The following NANS variants were observed in gnomAD, a reference collection of about 807,000 sequenced individuals.
NANS encodes N-acetylneuraminate synthase.
NANS carries 29 observed loss-of-function variants against 33.3 expected under a neutral mutation model. The ratio of observed to expected loss-of-function variants is 0.87; its 90% CI spans 0.65 to 1.19. The LOEUF is 1.19. Ranked by LOEUF, NANS falls within the 50% of genes most tolerant of loss-of-function variation. The probability of loss-of-function intolerance (pLI) is 0.00; values close to 1 mark genes in which losing one functional copy is unlikely to be tolerated. For synonymous variants in NANS, 163 were observed against 177.2 expected (o/e 0.92, Z 0.64); for missense variants, 394 against 461.1 (o/e 0.85, Z 1.33).
At chr9:98,072,741 G>A (rs1829399193) in intron 2 of NANS, among the ~76,000 whole-genome samples, 1 of 152,146 alleles carries the variant, frequency 6.6e-6, no homozygotes, top group Admixed American at 6.5e-5. Context: ...CTTTACGAGA[G>A]TTAATTTACC....
intron 2 of NANS, among the ~76,000 whole-genome samples, chr9:98,073,944 C>A (rs1829466788): frequency 6.6e-6 from 1 of 151,982 alleles, no homozygotes; most frequent in Non-Finnish European, 1.5e-5. Context: ...ACACCACACA[C>A]CCGGCTAATT....
intron 2 of NANS, among the ~76,000 whole-genome samples, chr9:98,072,164 C>T (rs372699396): frequency 5.3e-5 from 8 of 152,134 alleles, no homozygotes; most frequent in African/African-American, 1.7e-4. Context: ...CAGTGGCCCC[C>T]GTCTGTAAAA....
At chr9:98,057,094 C>G (rs553093760) in intron 1 of NANS, among the ~76,000 whole-genome samples, 154 bp downstream of exon 1, 1 of 152,368 alleles carries the variant, frequency 6.6e-6, no homozygotes, top group South Asian at 2.1e-4. Context: ...TCGGATCCCT[C>G]TTCCTCACCG....
In NANS at chr9:98,079,336, TTCTA is replaced by T. The variant is rs149092445; in HGVS notation, c.603+1000_603+1003del. Among the ~76,000 whole-genome samples the T allele has an allele frequency of 7.7e-3, 1,179 of 152,348 alleles. 7 individuals are homozygous for T. The highest frequency in any genetic ancestry group is 0.027 in the Admixed American group (413 of 15,306). Reference sequence around the variant, plus strand: ...AACTATTATAGTAACATTAATGGAATTCTATCTATCTATCCACACATACTAGAAT... The same window carrying T: ...AACTATTATAGTAACATTAATGGAATTCTATCTATCCACACATACTAGAAT... On this transcript the variant is annotated intron_variant, in intron 4 of 5. Coordinates refer to ENST00000210444, the MANE Select transcript of NANS (RefSeq NM_018946.4).
intron 2 of NANS, among the ~76,000 whole-genome samples, chr9:98,072,986 T>C (rs767102443): frequency 3.6e-4 from 55 of 152,218 alleles, no homozygotes; most frequent in Non-Finnish European, 7.3e-5. Flanking sequence ...GGTTGAAAGT[T>C]GCACCAAGGC....
Position 98,057,922 on chromosome 9 carries a change from G to GTTTTT in NANS, c.132+998_132+1002dup, listed in dbSNP as rs35104052. Reference sequence around the variant, plus strand: ...TTACTGTTTTTTTTTTTTTTTCCTGGTTTTTTTTTTTTTTTTTTTTGAGAC... The same window carrying GTTTTT: ...TTACTGTTTTTTTTTTTTTTTCCTGGTTTTTTTTTTTTTTTTTTTTTTTTTGAGAC... On this transcript the variant is annotated intron_variant, in intron 1 of 5. Coordinates refer to ENST00000210444, the MANE Select transcript of NANS (RefSeq NM_018946.4). Among the ~76,000 whole-genome samples, 96 of 78,096 alleles carry GTTTTT rather than the reference G, an allele frequency of 1.2e-3. 3 individuals are homozygous for GTTTTT. Among genetic ancestry groups the GTTTTT allele is most frequent in the South Asian group, 2.2e-3 (4 of 1,856 alleles). The allele number at this position is 78,096 out of a possible 152,430, so 51.2% of individuals were successfully genotyped here.
chr9:98,081,018 T>C lies in NANS; in HGVS notation c.806T>C (p.Val269Ala). 1 of 1,614,196 alleles carries C rather than the reference T, an allele frequency of 6.2e-7. No homozygotes were observed. The highest frequency in any genetic ancestry group is 1.1e-5 in the South Asian group (1 of 91,078). ...GAGCTGGTGCGGTCAGTGCGTCTTG[T>C]GGAGCGTGCCCTGGGCTCCCCAACC... ...LAELVRSVRLVERALGSPTKQ... is the reference protein window; with the variant it reads ...LAELVRSVRLAERALGSPTKQ... The change falls in exon 5 of 6, where the codon GTG becomes GCG. Residue 269 changes from valine to alanine, a missense_variant. Physicochemically the swap from Val to Ala is moderately conservative, Grantham distance 64 (BLOSUM62 0). Coordinates refer to ENST00000210444, the MANE Select transcript of NANS (RefSeq NM_018946.4).
chr9:98,082,881 G>A lies in NANS; in HGVS notation c.906G>A (p.Pro302=), dbSNP rs748375515. 13 of 1,614,020 alleles carry A rather than the reference G, an allele frequency of 8.1e-6. No individual in the cohort carries two copies. Among genetic ancestry groups the A allele is most frequent in the Middle Eastern group, 1.6e-4 (1 of 6,082 alleles). The stretch of plus-strand genomic sequence containing the variant: ...CTGTGGTGGCCAAAGTGAAAATTCC[G>A]GAAGGCACCATTCTAACAATGGACA... ...GKSVVAKVKI[P]EGTILTMDML... The change falls in exon 6 of 6, where the codon CCG becomes CCA. Residue 302 remains proline, a synonymous_variant. Coordinates refer to ENST00000210444, the MANE Select transcript of NANS (RefSeq NM_018946.4).
chr9:98,061,024 G>A, intron 2 of NANS, 27 bp downstream of exon 2: 4 of 1,610,014 alleles, frequency 2.5e-6, no homozygotes, highest in Non-Finnish European at 3.4e-6. Context: ...TCTGTCATTT[G>A]TCACTTTAGC....
intron 4 of NANS, among the ~76,000 whole-genome samples, chr9:98,080,097 C>T (rs1829785956): frequency 6.6e-6 from 1 of 152,158 alleles, no homozygotes; most frequent in African/African-American, 2.4e-5. Flanking sequence ...ACCCATAGTC[C>T]CAGCTGCTCA....
intron 1 of NANS, among the ~76,000 whole-genome samples, chr9:98,057,230 C>T (rs1027877692): frequency 5.3e-5 from 8 of 152,250 alleles, no homozygotes; most frequent in Non-Finnish European, 1.2e-4. Flanking sequence ...TCCCCCCTGC[C>T]TGGCACCTTC....
intron 1 of NANS, among the ~76,000 whole-genome samples, chr9:98,059,870 A>G (rs1238989898): frequency 6.6e-6 from 1 of 152,146 alleles, no homozygotes; most frequent in Non-Finnish European, 1.5e-5. Context: ...TGTCATGGAG[A>G]AAAGCGCCAG....
At chr9:98,081,645 A>G (rs558477569) in intron 5 of NANS, 2 of 152,730 alleles carry the variant, frequency 1.3e-5, no homozygotes, top group East Asian at 1.9e-4. Flanking sequence ...CATGCTGACT[A>G]TCAGGGCTTC....
chr9:98,056,922 CA>C lies in NANS; in HGVS notation c.115del (p.Met39Ter). On this transcript the variant is annotated frameshift_variant, in exon 1 of 6. Coordinates refer to ENST00000210444, the MANE Select transcript of NANS (RefSeq NM_018946.4). LOFTEE classifies it high-confidence loss of function. ...AGGGCGACCTGGACGTAGCCAAGCG[CA>C]TGATCCGCATGGCCAAGGTGAGGCG... ...HQGDLDVAKR[M>X]IRMAKECGAD... 1 of 1,604,152 alleles carries C rather than the reference CA, an allele frequency of 6.2e-7. No homozygotes were observed. Among genetic ancestry groups the C allele is most frequent in the Non-Finnish European group, 8.5e-7 (1 of 1,175,760 alleles).
intron 4 of NANS, among the ~76,000 whole-genome samples, chr9:98,080,554 CT>C (rs1829807085): frequency 6.6e-6 from 1 of 152,184 alleles, no homozygotes; most frequent in Non-Finnish European, 1.5e-5. Flanking sequence ...GTGAAACATT[CT>C]TAAAATGCAT....
intron 2 of NANS, among the ~76,000 whole-genome samples, chr9:98,073,416 C>G (rs1483698615): frequency 6.6e-6 from 1 of 150,866 alleles, no homozygotes; most frequent in Non-Finnish European, 1.5e-5. Flanking sequence ...TCCCGAGTAG[C>G]TGGGATTACA....
chr9:98,081,114 T>C (rs1320619255), intron 5 of NANS, 32 bp downstream of exon 5: 3 of 1,609,838 alleles, frequency 1.9e-6, no homozygotes, highest in Non-Finnish European at 2.5e-6. Context: ...TCGGTTCTGC[T>C]GCCGTGTGTG....
At chr9:98,074,110 A>AT (rs1268322494) in intron 2 of NANS, among the ~76,000 whole-genome samples, 1 of 152,200 alleles carries the variant, frequency 6.6e-6, no homozygotes, top group East Asian at 1.9e-4. Flanking sequence ...TCTGAGTCGA[A>AT]TAAGTTTGGG....
intron 2 of NANS, among the ~76,000 whole-genome samples, chr9:98,073,604 C>T (rs1394181394): frequency 6.9e-5 from 10 of 145,384 alleles, no homozygotes; most frequent in South Asian, 2.2e-4. Context: ...TTTTTTTTTT[C>T]CAATCCTGAA....
Sources: allele counts gnomAD v4.1 joint callset (sites outside exome capture counted in the v4.1 genomes callset), GRCh38; gene constraint gnomAD v4.1.1; transcripts MANE v1.5; gene names NCBI Gene and HGNC (gene_info 2026-07-23, HGNC 2026-07-21).